The following KLB variants were observed in gnomAD, a reference collection of about 807,000 sequenced individuals.
KLB encodes the protein klotho beta.
A neutral mutation model predicts 88.4 loss-of-function variants in KLB; 44 were observed. The observed-to-expected ratio is 0.50, with a 90% CI of 0.39 to 0.64. The LOEUF (loss-of-function observed/expected upper bound fraction) is 0.64, where lower values mean the gene tolerates loss of function less well. KLB is among the 30% of genes least tolerant of loss of function. The pLI is 0.00. For synonymous variants in KLB, 548 were observed against 513.4 expected (o/e 1.07, Z -0.91); for missense variants, 1,137 against 1,304.8 (o/e 0.87, Z 1.98).
rs200449425 is a variant in KLB at position 39,447,372 on chromosome 4, C to T, written c.2646C>T (p.Asp882=). ...GGTGGGTCCGGAGGAACTACGGCGA[C>T]ATGGACATTTACATCACCGCCAGTG... ...LLRWVRRNYG[D]MDIYITASGI... is the part of the protein sequence containing the mutation. The change falls in exon 4 of 5, where the codon GAC becomes GAT. Residue 882 remains aspartate, a synonymous_variant. Coordinates refer to ENST00000257408, the MANE Select transcript of KLB (RefSeq NM_175737.4). The T allele has an allele frequency of 6.8e-5, 110 of 1,613,712 alleles. No homozygotes were observed. Among genetic ancestry groups the T allele is most frequent in the Non-Finnish European group, 8.5e-5 (100 of 1,180,002 alleles).
Position 39,407,072 on chromosome 4 carries a change from G to A in KLB, c.123G>A (p.Leu41=). Residue 41 remains leucine, a synonymous_variant, in exon 1 of 5, where the codon CTG becomes CTA. Coordinates refer to ENST00000257408, the MANE Select transcript of KLB (RefSeq NM_175737.4). ...GGGGATTGCAAAGATCTGTCATCCT[G>A]TCAGCACTTATTCTGCTACGAGCTG... The part of the protein sequence containing the change: ...SNGGLQRSVI[L]SALILLRAVT... 6.2e-7 allele frequency: 1 copy of A among 1,614,006 alleles called. No individual in the cohort carries two copies. The highest frequency in any genetic ancestry group is 8.5e-7 in the Non-Finnish European group (1 of 1,179,870).
At position 39,447,216 on chromosome 4, in the gene KLB, C is replaced by G; in HGVS notation, c.2490C>G (p.Phe830Leu). 1 of 1,614,068 alleles carries G rather than the reference C, an allele frequency of 6.2e-7. No individual in the cohort carries two copies. Among genetic ancestry groups the G allele is most frequent in the Non-Finnish European group, 8.5e-7 (1 of 1,180,046 alleles). The part of the protein sequence containing the change: ...FCALNHFTTR[F>L]VMHEQLAGSR... ...CGCTCAACCACTTCACCACTAGGTT[C>G]GTGATGCACGAGCAGCTGGCCGGCA... is the stretch of plus-strand genomic sequence containing the variant. Residue 830 changes from phenylalanine to leucine, a missense_variant, in exon 4 of 5, where the codon TTC (phenylalanine) becomes TTG (leucine). This residue lies in a region of KLB where 426 missense variants were observed against 404.6 expected (regional missense o/e 1.05). Coordinates refer to ENST00000257408, the MANE Select transcript of KLB (RefSeq NM_175737.4).
At position 39,447,078 on chromosome 4, in the gene KLB, G is replaced by A. The variant is rs1743767420; in HGVS notation, c.2352G>A (p.Ala784=). The stretch of plus-strand genomic sequence containing the variant: ...TCTTCAAGACCGGGGACTACCCCGC[G>A]GCCATGAGGGAATACATTGCCTCCA... ...EPLFKTGDYP[A]AMREYIASKH... The change falls in exon 4 of 5, where the codon GCG becomes GCA. Residue 784 remains alanine, a synonymous_variant. Transcript: ENST00000257408. 1 of 1,613,032 alleles carries A rather than the reference G, an allele frequency of 6.2e-7. No individual in the cohort carries two copies. Among genetic ancestry groups the A allele is most frequent in the African/African-American group, 1.3e-5 (1 of 75,060 alleles).
intron 1 of KLB, among the ~76,000 whole-genome samples, chr4:39,415,062 G>A (rs1174169160): frequency 6.6e-6 from 1 of 151,676 alleles, no homozygotes; most frequent in Admixed American, 6.6e-5. Flanking sequence ...ACAGGAATGT[G>A]CCACCACTCA....
At chr4:39,418,261 AG>A (rs2109823575) in intron 1 of KLB, among the ~76,000 whole-genome samples, 1 of 152,196 alleles carries the variant, frequency 6.6e-6, no homozygotes, top group South Asian at 2.1e-4. Context: ...TTTTTTTTGA[AG>A]AGTCTCGCTC....
chr4:39,430,410 A>AC (rs1346292656), intron 1 of KLB, among the ~76,000 whole-genome samples: 84 of 1,572 alleles, frequency 0.053, 2 homozygotes, highest in African/African-American at 0.32. Context: ...TTCTAATTAG[A>AC]AAAAAAAAAA....
rs745351087 is a variant in KLB, at chr4:39,451,169, A to C, written c.*2483A>C. ...ATCGCACAAGAATCCAAAAACCCTT[A>C]AATTTTTTAACCACTGGCAAATATG... On this transcript the variant is annotated 3_prime_UTR_variant, in exon 5 of 5. Coordinates refer to ENST00000257408, the MANE Select transcript of KLB (RefSeq NM_175737.4). 2.6e-5 allele frequency: 4 copies of C among 152,214 alleles called. No individual in the cohort carries two copies. The highest frequency in any genetic ancestry group is 5.9e-5 in the Non-Finnish European group (4 of 68,030). 9.4% of individuals were successfully genotyped at this position (152,214 alleles called of 1,614,324 possible).
chr4:39,421,861 C>T (rs1405233600), intron 1 of KLB, among the ~76,000 whole-genome samples: 1 of 152,196 alleles, frequency 6.6e-6, no homozygotes, highest in Non-Finnish European at 1.5e-5. Context: ...TCTCCTGCCT[C>T]AGCCTCCCAA....
Position 39,431,441 on chromosome 4 carries a change from G to A in KLB, c.826-2769G>A, listed in dbSNP as rs189096201. On this transcript the variant is annotated intron_variant, in intron 1 of 4. Transcript: ENST00000257408. ...TAATTTTGTATTTTTAGTAGAGATG[G>A]GGTTTCTCCATGTTGATCAGGCTGG... Among the ~76,000 whole-genome samples the A allele has an allele frequency of 2.0e-3, 306 of 152,154 alleles. 2 individuals are homozygous for A. Among genetic ancestry groups the A allele is most frequent in the African/African-American group, 7.2e-3 (297 of 41,522 alleles).
chr4:39,427,530 T>A (rs1373588427), intron 1 of KLB, among the ~76,000 whole-genome samples: 2 of 148,638 alleles, frequency 1.3e-5, no homozygotes, highest in African/African-American at 4.9e-5. Context: ...AGAGAAGGGC[T>A]AAGCAGATGA....
At position 39,448,837 on chromosome 4, in the gene KLB, G is replaced by A. The variant is rs1480377248; in HGVS notation, c.*151G>A. On this transcript the variant is annotated 3_prime_UTR_variant, in exon 5 of 5. Coordinates refer to ENST00000257408, the MANE Select transcript of KLB (RefSeq NM_175737.4). ...AATTGTCTCTGCTGTGTGGTTCAAA[G>A]AACATTCCCTTAGGTGTTGACATCA... 4 of 731,206 alleles carry A rather than the reference G, an allele frequency of 5.5e-6. No individual in the cohort carries two copies. The highest frequency in any genetic ancestry group is 2.8e-5 in the Admixed American group (1 of 35,266). The allele number at this position is 731,206 out of a possible 1,614,324, so 45.3% of individuals were successfully genotyped here. A position where few individuals can be genotyped will look rare whatever the true frequency, so the allele number is the denominator to read the frequency against.
intron 1 of KLB, among the ~76,000 whole-genome samples, chr4:39,413,727 A>G (rs968760806): frequency 3.6e-5 from 5 of 138,000 alleles, no homozygotes; most frequent in African/African-American, 1.5e-4. Context: ...CTGTCTCAGG[A>G]AAAAAAAAAA....
chr4:39,446,781 G>T lies in KLB; in HGVS notation c.2055G>T (p.Val685=), dbSNP rs1235129617. Residue 685 remains valine (V), a synonymous_variant, in exon 4 of 5, where the codon GTG becomes GTT. Transcript: ENST00000257408. This position sits in a 1 kb window ranked among gnomAD's most constrained non-coding sequence, Gnocchi z 6.4. ...GCTTCCAGGAGCTGGGGGACCTGGTGAAGCTCTGGATCACCATCAACGAGC... is the reference window on the plus strand; with the variant it reads ...GCTTCCAGGAGCTGGGGGACCTGGTTAAGCTCTGGATCACCATCAACGAGC... ...GLCFQELGDL[V]KLWITINEPN... 1 of 1,610,426 alleles carries T rather than the reference G, an allele frequency of 6.2e-7. No homozygotes were observed. Among genetic ancestry groups the T allele is most frequent in the East Asian group, 2.2e-5 (1 of 44,884 alleles).
intron 3 of KLB, among the ~76,000 whole-genome samples, chr4:39,438,365 C>T (rs1416126948): frequency 6.6e-6 from 1 of 152,164 alleles, no homozygotes; most frequent in Non-Finnish European, 1.5e-5. Context: ...TTAGCAGCAC[C>T]TTGTTTAACT....
intron 3 of KLB, 56 bp downstream of exon 3, chr4:39,438,051 C>G (rs1269088172): frequency 6.7e-7 from 1 of 1,499,338 alleles, no homozygotes; most frequent in African/African-American, 1.4e-5. Context: ...CACACTATTT[C>G]ATTTACTCAA....
intron 1 of KLB, among the ~76,000 whole-genome samples, chr4:39,430,268 C>T (rs1169214493): frequency 6.6e-6 from 1 of 152,064 alleles, no homozygotes; most frequent in African/African-American, 2.4e-5. Context: ...GCACAATAGG[C>T]CTGAAGGGAG....
rs151029579 is a variant in KLB, at chr4:39,445,416, T to C, written c.1606-916T>C. 3.3e-3 allele frequency among the ~76,000 whole-genome samples: 504 copies of C among 152,218 alleles called. 2 individuals are homozygous for C. The highest frequency in any genetic ancestry group is 6.8e-3 in the Middle Eastern group (2 of 294). On this transcript the variant is annotated intron_variant, in intron 3 of 4. Coordinates refer to ENST00000257408, the MANE Select transcript of KLB (RefSeq NM_175737.4). ...CACCCATAACCCATTTATTCATCTG[T>C]TGGATGAATAAATGCTATGTTCTCA...
chr4:39,438,875 C>T (rs1028443033), intron 3 of KLB, among the ~76,000 whole-genome samples: 5 of 151,942 alleles, frequency 3.3e-5, no homozygotes, highest in Non-Finnish European at 7.4e-5. Flanking sequence ...CTTCATTTTA[C>T]GGGGGGAGGA....
intron 3 of KLB, among the ~76,000 whole-genome samples, chr4:39,439,682 C>T (rs1277550288): frequency 1.4e-5 from 2 of 140,202 alleles, no homozygotes; most frequent in South Asian, 2.2e-4. Flanking sequence ...TTTTTGGAGA[C>T]GGAGCTTTAT....
Sources: gnomAD v4.1 joint callset for allele counts (sites outside exome capture counted in the v4.1 genomes callset) on GRCh38, gnomAD v4.1.1 for gene constraint, gnomAD v4.1.1 regional missense constraint, Gnocchi (gnomAD v3.1) non-coding constraint, MANE v1.5 for transcripts, NCBI Gene and HGNC (gene_info 2026-07-23, HGNC 2026-07-21) for gene names.